SLC24A3: variants seen among roughly 807,000 people sequenced by gnomAD.
SLC24A3 encodes solute carrier family 24 member 3.
A neutral mutation model predicts 75.8 loss-of-function variants in SLC24A3; 28 were observed. The ratio of observed to expected loss-of-function variants is 0.37; its 90% CI spans 0.27 to 0.51. SLC24A3 has a LOEUF of 0.51. Ranked by LOEUF, SLC24A3 falls within the 20% of genes least tolerant of loss-of-function variation. The pLI is 0.94. For missense variants in SLC24A3, 663 were observed against 847.8 expected (o/e 0.78, Z 2.71); for synonymous variants, 372 against 334.1 (o/e 1.11, Z -1.24).
At chr20:19,452,054 C>T (rs187205568) in intron 2 of SLC24A3, among the ~76,000 whole-genome samples, 41 of 152,262 alleles carry the variant, frequency 2.7e-4, no homozygotes, top group African/African-American at 8.7e-4. Context: ...CTCATTACAG[C>T]GCGAGAACAT....
At chr20:19,472,605 G>A (rs551619591) in intron 2 of SLC24A3, among the ~76,000 whole-genome samples, 48 of 152,286 alleles carry the variant, frequency 3.2e-4, no homozygotes, top group Middle Eastern at 3.4e-3. Context: ...GGTCATACCC[G>A]TTTCCTTCAC....
intron 1 of SLC24A3, among the ~76,000 whole-genome samples, chr20:19,237,668 G>A (rs528253783): frequency 6.6e-6 from 1 of 152,288 alleles, no homozygotes; most frequent in East Asian, 1.9e-4. Context: ...TCATTGAATG[G>A]ACAACAGCAT....
chr20:19,524,873 C>T (rs1451500610), intron 3 of SLC24A3, among the ~76,000 whole-genome samples: 1 of 152,156 alleles, frequency 6.6e-6, no homozygotes, highest in African/African-American at 2.4e-5. Flanking sequence ...GATCATATGT[C>T]ATGGCTTAAA....
chr20:19,239,108 A>G (rs1184164555), intron 1 of SLC24A3, among the ~76,000 whole-genome samples: 2 of 141,984 alleles, frequency 1.4e-5, no homozygotes, highest in Non-Finnish European at 3.0e-5. Flanking sequence ...GCTCTTTGAG[A>G]AAAGCTTATT....
At chr20:19,545,884 G>C (rs1056104878) in intron 3 of SLC24A3, among the ~76,000 whole-genome samples, 3 of 152,092 alleles carry the variant, frequency 2.0e-5, no homozygotes, top group Admixed American at 6.6e-5. Flanking sequence ...GACCGGCCAG[G>C]CATGGTGGCT....
intron 2 of SLC24A3, among the ~76,000 whole-genome samples, chr20:19,410,795 C>T (rs769296370): frequency 1.2e-4 from 18 of 152,292 alleles, no homozygotes; most frequent in Non-Finnish European, 2.1e-4. Flanking sequence ...CATCTTCATT[C>T]ACCAATTCAT....
At chr20:19,528,733 C>T (rs1461964189) in intron 3 of SLC24A3, among the ~76,000 whole-genome samples, 1 of 152,096 alleles carries the variant, frequency 6.6e-6, no homozygotes, top group Non-Finnish European at 1.5e-5. Flanking sequence ...TTATTTTTTC[C>T]CCTTATTGAA....
chr20:19,255,737 T>C (rs1982796091), intron 1 of SLC24A3, among the ~76,000 whole-genome samples: 2 of 152,230 alleles, frequency 1.3e-5, no homozygotes, highest in Non-Finnish European at 2.9e-5. Context: ...TGAGATGTGC[T>C]GTGAGTATAA....
At chr20:19,316,688 C>A (rs1222548737) in intron 2 of SLC24A3, among the ~76,000 whole-genome samples, 1 of 152,186 alleles carries the variant, frequency 6.6e-6, no homozygotes, top group Non-Finnish European at 1.5e-5. Flanking sequence ...GGAGAGGTCA[C>A]CTGACCTGAA....
chr20:19,226,199 A>C (rs1981864874), intron 1 of SLC24A3, among the ~76,000 whole-genome samples: 1 of 152,156 alleles, frequency 6.6e-6, no homozygotes, highest in Non-Finnish European at 1.5e-5. Flanking sequence ...TTCTTTAGAC[A>C]GTTAATATGG....
chr20:19,264,845 A>T (rs1983113761), intron 1 of SLC24A3, among the ~76,000 whole-genome samples: 1 of 152,058 alleles, frequency 6.6e-6, no homozygotes, highest in Admixed American at 6.5e-5. Context: ...CTTCACGTGG[A>T]CAATTCTGGG....
chr20:19,417,407 CG>C (rs1986845712), intron 2 of SLC24A3, among the ~76,000 whole-genome samples: 1 of 152,114 alleles, frequency 6.6e-6, no homozygotes, highest in Non-Finnish European at 1.5e-5. Context: ...GGAACAATAG[CG>C]GGCAGATGAG....
At chr20:19,575,254 C>CA (rs34789411) in intron 3 of SLC24A3, among the ~76,000 whole-genome samples, 982 of 72,344 alleles carry the variant, frequency 0.014, 14 homozygotes, top group East Asian at 0.047. Context: ...GAGACACTCT[C>CA]AAAAAAAAAA....
intron 2 of SLC24A3, among the ~76,000 whole-genome samples, chr20:19,437,229 G>A (rs1568617704): frequency 6.6e-6 from 1 of 152,172 alleles, no homozygotes; most frequent in South Asian, 2.1e-4. Context: ...TAATCCCCAA[G>A]TGTCAAGGGC....
intron 2 of SLC24A3, among the ~76,000 whole-genome samples, chr20:19,357,695 A>G (rs985954973): frequency 6.6e-6 from 1 of 152,190 alleles, no homozygotes; most frequent in Non-Finnish European, 1.5e-5. Context: ...TTGGAGATAC[A>G]TACATATCCT....
At chr20:19,428,451 G>A (rs375228380) in intron 2 of SLC24A3, among the ~76,000 whole-genome samples, 241 of 152,324 alleles carry the variant, frequency 1.6e-3, no homozygotes, top group African/African-American at 5.5e-3. Context: ...CAAGGGCTGC[G>A]AAATTCTAAA....
chr20:19,677,289 G>A (rs1304138169), intron 9 of SLC24A3, among the ~76,000 whole-genome samples: 3 of 119,208 alleles, frequency 2.5e-5, no homozygotes, highest in African/African-American at 3.6e-5. Flanking sequence ...GCAAGACCCC[G>A]TTCCAAAAAA....
intron 1 of SLC24A3, among the ~76,000 whole-genome samples, chr20:19,236,349 G>A (rs750114806): frequency 2.5e-4 from 38 of 152,220 alleles, no homozygotes; most frequent in Non-Finnish European, 4.3e-4. Context: ...GGGGAAGCCA[G>A]CAGTGCCTTC....
chr20:19,366,474 C>T (rs1985893589), intron 2 of SLC24A3, among the ~76,000 whole-genome samples: 1 of 152,138 alleles, frequency 6.6e-6, no homozygotes, highest in African/African-American at 2.4e-5. Flanking sequence ...CTTTTGAGCA[C>T]ATTTGTTAGT....
Sources: gnomAD v4.1 joint callset for allele counts (sites outside exome capture counted in the v4.1 genomes callset) on GRCh38, gnomAD v4.1.1 for gene constraint, MANE v1.5 for transcripts, NCBI Gene and HGNC (gene_info 2026-07-23, HGNC 2026-07-21) for gene names.